The following MAP2K4 variants were observed in gnomAD, a reference collection of about 807,000 sequenced individuals.
MAP2K4 encodes mitogen-activated protein kinase kinase 4, also known as dual specificity mitogen-activated protein kinase kinase 4.
MAP2K4 carries 4 observed loss-of-function variants against 48.5 expected under a neutral mutation model. The ratio of observed to expected loss-of-function variants is 0.08; its 90% CI spans 0.04 to 0.19. The LOEUF (loss-of-function observed/expected upper bound fraction) is 0.19. Ranked by LOEUF, MAP2K4 falls within the 10% of genes least tolerant of loss-of-function variation. The probability of loss-of-function intolerance (pLI) is 1.00; values close to 1 mark genes in which losing one functional copy is unlikely to be tolerated. For missense variants in MAP2K4, 258 were observed against 493.3 expected (o/e 0.52, Z 4.52); for synonymous variants, 166 against 173.1 (o/e 0.96, Z 0.32).
chr17:12,087,362 A>G (rs10432016), intron 3 of MAP2K4, among the ~76,000 whole-genome samples: 69,553 of 151,928 alleles, frequency 0.46, 16,802 homozygotes, highest in East Asian at 0.56. Context: ...TAAAAATTTC[A>G]GTGCTAAGAT....
chr17:12,081,804 C>A lies in MAP2K4; in HGVS notation c.393+274C>A. ...TTTTAAACTTCAGGCCCTTCTACTG[C>A]CAAGGTGAGTTCAGGCTGGGCGGCT... On this transcript the variant is annotated intron_variant, in intron 3 of 10. Coordinates refer to ENST00000353533, the MANE Select transcript of MAP2K4 (RefSeq NM_003010.4). The surrounding 1 kb of genome is among the most constrained non-coding windows in gnomAD (Gnocchi z 4.2). 2.1e-6 allele frequency: 1 copy of A among 486,110 alleles called. No individual in the cohort carries two copies. The highest frequency in any genetic ancestry group is 2.9e-5 in the Admixed American group (1 of 34,002). The allele number at this position is 486,110 out of a possible 1,614,324, so 30.1% of individuals were successfully genotyped here.
chr17:12,141,440 T>G lies in MAP2K4; in HGVS notation c.*180T>G, dbSNP rs888807017. 2 of 611,558 alleles carry G rather than the reference T, an allele frequency of 3.3e-6. No homozygotes were observed. The highest frequency in any genetic ancestry group is 3.7e-5 in the African/African-American group (2 of 54,210). The allele number at this position is 611,558 out of a possible 1,614,324, so 37.9% of individuals were successfully genotyped here. On this transcript the variant is annotated 3_prime_UTR_variant, in exon 11 of 11. Transcript: ENST00000353533. ...CTAGAACGTGCATCCTTGTAATACC[T>G]GATTGATCACACAGTGTTAGTGCTG...
intron 2 of MAP2K4, among the ~76,000 whole-genome samples, chr17:12,070,655 T>C (rs1970772393): frequency 2.0e-5 from 3 of 152,354 alleles, no homozygotes; most frequent in Non-Finnish European, 2.9e-5. Context: ...ATTTATATCA[T>C]GTAGTCAGCA....
At chr17:12,125,105 G>T (rs1597493414) in intron 7 of MAP2K4, 189 bp from the exon 8 acceptor site, 1 of 573,268 alleles carries the variant, frequency 1.7e-6, no homozygotes, top group Non-Finnish European at 3.1e-6. Context: ...CTTTATGGAA[G>T]TAGCCATTAA....
chr17:12,060,940 G>A (rs936614160), intron 2 of MAP2K4, among the ~76,000 whole-genome samples: 3 of 151,884 alleles, frequency 2.0e-5, no homozygotes, highest in African/African-American at 4.8e-5. Context: ...TTCTCAGATC[G>A]AACTTCTGTA....
At chr17:12,124,225 C>T (rs941468739) in intron 7 of MAP2K4, 3 of 152,194 alleles carry the variant, frequency 2.0e-5, no homozygotes, top group Non-Finnish European at 4.4e-5. Context: ...TTTCTTTCAA[C>T]AGCAGTTACT....
At position 12,113,370 on chromosome 17, in the gene MAP2K4, A is replaced by G. The variant is rs767653590; in HGVS notation, c.813+10A>G. 2.6e-5 allele frequency: 42 copies of G among 1,613,192 alleles called. 1 individual carries two copies. The highest frequency in any genetic ancestry group is 1.3e-4 in the Admixed American group (8 of 59,974). On this transcript the variant is annotated intron_variant, in intron 7 of 10. Transcript: ENST00000353533. ...TAGGCCATACATGGCAGTAAGTGTT[A>G]AGTCCAGGCCTTCTTGCTTGATAGT...
intron 4 of MAP2K4, among the ~76,000 whole-genome samples, chr17:12,106,014 G>A (rs969678952): frequency 1.3e-5 from 2 of 152,076 alleles, no homozygotes; most frequent in Non-Finnish European, 2.9e-5. Flanking sequence ...GGATGGTGGG[G>A]CAGTCTCATT....
In MAP2K4 at chr17:12,142,593, G is replaced by C; in HGVS notation, c.*1333G>C. 1 of 233,122 alleles carries C rather than the reference G, an allele frequency of 4.3e-6. No homozygotes were observed. Among genetic ancestry groups the C allele is most frequent in the Non-Finnish European group, 8.5e-6 (1 of 117,950 alleles). 14.4% of individuals were successfully genotyped at this position (233,122 alleles called of 1,614,324 possible). ...TCTTTTCTAGAGACACATTGGACCA[G>C]ATGAGGATCCGAAACGGCAGCCTTT... is the stretch of plus-strand genomic sequence containing the variant. On this transcript the variant is annotated 3_prime_UTR_variant, in exon 11 of 11. Transcript: ENST00000353533.
chr17:12,037,630 T>TTA (rs10687895), intron 1 of MAP2K4, among the ~76,000 whole-genome samples: 59,555 of 151,684 alleles, frequency 0.39, 12,100 homozygotes, highest in East Asian at 0.58. Flanking sequence ...TTATATAAGT[T>TTA]TATATATATA....
intron 1 of MAP2K4, among the ~76,000 whole-genome samples, chr17:12,031,433 A>G (rs1174326048): frequency 3.3e-5 from 5 of 152,204 alleles, no homozygotes; most frequent in African/African-American, 1.2e-4. Context: ...TTTGTTCCCC[A>G]AAACACAAGC....
In MAP2K4 at chr17:12,141,133, C is replaced by A; in HGVS notation, c.1087-14C>A. On this transcript the variant is annotated splice_polypyrimidine_tract_variant and intron_variant, in intron 10 of 10. Coordinates refer to ENST00000353533, the MANE Select transcript of MAP2K4 (RefSeq NM_003010.4). ...TACAAACTTTTGACTTTTTTGTTTT[C>A]AATTTTCTTGCAGAAACATCCCTTT... 1 of 1,565,544 alleles carries A rather than the reference C, an allele frequency of 6.4e-7. No homozygotes were observed. The highest frequency in any genetic ancestry group is 8.8e-7 in the Non-Finnish European group (1 of 1,136,504).
chr17:12,038,307 A>C (rs2151514458), intron 1 of MAP2K4, among the ~76,000 whole-genome samples: 1 of 152,240 alleles, frequency 6.6e-6, no homozygotes, highest in Non-Finnish European at 1.5e-5. Flanking sequence ...GAATCTAGGC[A>C]AAAATGTACA....
At chr17:12,023,059 TTTA>T (rs1406494294) in intron 1 of MAP2K4, among the ~76,000 whole-genome samples, 1 of 152,152 alleles carries the variant, frequency 6.6e-6, no homozygotes, top group Non-Finnish European at 1.5e-5. Flanking sequence ...CAGAACCCAT[TTTA>T]GAAGGAAAAA....
At chr17:12,057,177 T>C (rs1438832571) in intron 2 of MAP2K4, among the ~76,000 whole-genome samples, 2 of 152,168 alleles carry the variant, frequency 1.3e-5, no homozygotes, top group Non-Finnish European at 2.9e-5. Context: ...TTGGCTGTCG[T>C]AATTTTAGTA....
intron 9 of MAP2K4, among the ~76,000 whole-genome samples, chr17:12,132,144 A>G (rs868073407): frequency 6.6e-6 from 1 of 152,236 alleles, no homozygotes; most frequent in African/African-American, 2.4e-5. Context: ...AGGAGTATAA[A>G]TTAGTACAGT....
chr17:12,110,390 A>T lies in MAP2K4; in HGVS notation c.649A>T (p.Asn217Tyr). The part of the protein sequence containing the change: ...KITLATVKAL[N>Y]HLKENLKIIH... ...TTCTCCCTAGACTGTGAAAGCACTA[A>T]ACCACTTAAAAGAAAACTTGAAAAT... The change falls in exon 6 of 11, where the codon AAC (asparagine) becomes TAC (tyrosine). Residue 217 changes from asparagine (N) to tyrosine (Y), a missense_variant. Asn to Tyr is a moderately radical substitution (Grantham distance 143). Around this residue, in one of 3 missense-constraint regions of MAP2K4, gnomAD observed 132 missense variants for 352.8 expected, o/e 0.37. Transcript: ENST00000353533. 3 of 1,611,130 alleles carry T rather than the reference A, an allele frequency of 1.9e-6. No homozygotes were observed. The highest frequency in any genetic ancestry group is 2.5e-6 in the Non-Finnish European group (3 of 1,177,840).
At chr17:12,102,162 A>G (rs1013421533) in intron 4 of MAP2K4, among the ~76,000 whole-genome samples, 10 of 152,004 alleles carry the variant, frequency 6.6e-5, no homozygotes, top group Admixed American at 2.0e-4. Context: ...TATATTTTTA[A>G]TCAGGTTAAG....
chr17:12,036,240 ATG>A (rs1969594865), intron 1 of MAP2K4, among the ~76,000 whole-genome samples: 2 of 152,164 alleles, frequency 1.3e-5, no homozygotes, highest in South Asian at 4.1e-4. Flanking sequence ...TGAAGTCTGA[ATG>A]TAAGAACACT....
Sources: gnomAD v4.1 joint callset for allele counts (sites outside exome capture counted in the v4.1 genomes callset) on GRCh38, gnomAD v4.1.1 for gene constraint, gnomAD v4.1.1 regional missense constraint, Gnocchi (gnomAD v3.1) non-coding constraint, MANE v1.5 for transcripts, NCBI Gene and HGNC (gene_info 2026-07-23, HGNC 2026-07-21) for gene names.